The following RPS6KC1 variants were observed in gnomAD, a reference collection of about 807,000 sequenced individuals.
The protein encoded by RPS6KC1 is inactive ribosomal protein S6 kinase delta-1.
Under a neutral mutation model 103.8 loss-of-function variants are expected in RPS6KC1, and 54 were observed. The observed-to-expected ratio is 0.52, with a 90% CI of 0.42 to 0.65. The LOEUF is 0.65. Ranked by LOEUF, RPS6KC1 falls within the 30% of genes least tolerant of loss-of-function variation. RPS6KC1 has a pLI of 0.00. For synonymous variants in RPS6KC1, 439 were observed against 438.7 expected (o/e 1.00, Z -0.01); for missense variants, 1,151 against 1,253.8 (o/e 0.92, Z 1.24).
chr1:213,626,465 C>T, the RPS6KC1 span, among the ~76,000 whole-genome samples: 2 of 152,124 alleles, frequency 1.3e-5, no homozygotes, highest in African/African-American at 2.4e-5. Flanking sequence ...CTTTTGTTGT[C>T]ATTGCTTTTG....
the RPS6KC1 span, among the ~76,000 whole-genome samples, chr1:213,580,924 A>G: frequency 1.3e-5 from 2 of 151,990 alleles, no homozygotes; most frequent in Admixed American, 1.3e-4. Context: ...CTTTGTTGCA[A>G]TTTGCTTTAT....
At chr1:213,586,154 A>G in the RPS6KC1 span, among the ~76,000 whole-genome samples, 1 of 152,148 alleles carries the variant, frequency 6.6e-6, no homozygotes, top group Non-Finnish European at 1.5e-5. Context: ...GTCTGCCAAC[A>G]CTCAACATTG....
At chr1:213,149,403 A>G (rs1164162693) in intron 6 of RPS6KC1, among the ~76,000 whole-genome samples, 3 of 152,020 alleles carry the variant, frequency 2.0e-5, no homozygotes, top group Non-Finnish European at 4.4e-5. Context: ...TCATTTACTC[A>G]CTGGTCATTC....
the RPS6KC1 span, among the ~76,000 whole-genome samples, chr1:213,606,369 G>A: frequency 1.1e-4 from 17 of 152,256 alleles, no homozygotes; most frequent in South Asian, 3.1e-3. Context: ...CCAACTGTTC[G>A]GTGCCCACAT....
At chr1:213,693,839 G>A in the RPS6KC1 span, among the ~76,000 whole-genome samples, 1 of 152,176 alleles carries the variant, frequency 6.6e-6, no homozygotes, top group African/African-American at 2.4e-5. Context: ...TTAAAAACTA[G>A]GTTAGCTTTC....
At chr1:213,558,173 G>A in the RPS6KC1 span, among the ~76,000 whole-genome samples, 1 of 152,288 alleles carries the variant, frequency 6.6e-6, no homozygotes, top group South Asian at 2.1e-4. Flanking sequence ...CTACGTAAGG[G>A]GCTTGCAGTG....
chr1:213,354,640 G>A, the RPS6KC1 span, among the ~76,000 whole-genome samples: 14 of 152,214 alleles, frequency 9.2e-5, no homozygotes, highest in African/African-American at 3.1e-4. Context: ...ACTCTGCAGA[G>A]TCTTAAGGCA....
At chr1:213,763,296 C>T in the RPS6KC1 span, among the ~76,000 whole-genome samples, 1 of 152,320 alleles carries the variant, frequency 6.6e-6, no homozygotes, top group Middle Eastern at 3.4e-3. Flanking sequence ...CTTTCACTTC[C>T]TTCCCCTCTT....
intron 6 of RPS6KC1, among the ~76,000 whole-genome samples, chr1:213,133,775 A>G (rs1279620479): frequency 6.6e-6 from 1 of 152,168 alleles, no homozygotes; most frequent in African/African-American, 2.4e-5. Context: ...TTGCTCAAGG[A>G]CACAAACTAG....
chr1:213,637,131 T>C, the RPS6KC1 span, among the ~76,000 whole-genome samples: 1 of 152,106 alleles, frequency 6.6e-6, no homozygotes, highest in Non-Finnish European at 1.5e-5. Flanking sequence ...CTGGAGGATG[T>C]GGAGAAATAG....
chr1:213,747,102 C>A, the RPS6KC1 span, among the ~76,000 whole-genome samples: 2 of 152,072 alleles, frequency 1.3e-5, no homozygotes, highest in African/African-American at 4.8e-5. Flanking sequence ...ACCCTGGGCA[C>A]TCCTGGGAGC....
At chr1:213,181,799 A>G (rs1342958863) in intron 8 of RPS6KC1, among the ~76,000 whole-genome samples, 1 of 152,224 alleles carries the variant, frequency 6.6e-6, no homozygotes, top group Non-Finnish European at 1.5e-5. Flanking sequence ...TGCAAAGAGA[A>G]TTTGTTGCTG....
chr1:213,715,767 G>A, the RPS6KC1 span, among the ~76,000 whole-genome samples: 12 of 152,102 alleles, frequency 7.9e-5, no homozygotes, highest in African/African-American at 2.9e-4. Context: ...TTGTAAGAGG[G>A]AAAAATATAA....
chr1:213,629,775 C>A, the RPS6KC1 span, among the ~76,000 whole-genome samples: 1 of 152,036 alleles, frequency 6.6e-6, no homozygotes, highest in African/African-American at 2.4e-5. Flanking sequence ...TTAGGGCAGG[C>A]CTGGTGGTGA....
At chr1:213,548,819 G>A in the RPS6KC1 span, among the ~76,000 whole-genome samples, 1 of 152,132 alleles carries the variant, frequency 6.6e-6, no homozygotes, top group East Asian at 1.9e-4. Flanking sequence ...TATAATTCTT[G>A]GAACTGTACA....
chr1:213,859,488 T>C, the RPS6KC1 span, among the ~76,000 whole-genome samples: 2 of 152,226 alleles, frequency 1.3e-5, no homozygotes, highest in African/African-American at 2.4e-5. Flanking sequence ...TTATGGGTCA[T>C]GTGGTTTCTA....
rs1057010395 is a variant in RPS6KC1, at chr1:213,184,040, G to A, written c.1044+7548G>A. On this transcript the variant is annotated intron_variant, in intron 8 of 14. Coordinates refer to ENST00000366960, the MANE Select transcript of RPS6KC1 (RefSeq NM_012424.6). ...AATGGACCAATTCATAGAAAAGTAC[G>A]AATTACCACCCAAAATAAATAGATA... Among the ~76,000 whole-genome samples, 13 of 152,062 alleles carry A rather than the reference G, an allele frequency of 8.5e-5. No homozygotes were observed. The East Asian group carries it at 1.3e-3, about 16-fold the overall frequency.
chr1:213,269,631 AGAG>A (rs1402836724), intron 14 of RPS6KC1, among the ~76,000 whole-genome samples: 6 of 152,224 alleles, frequency 3.9e-5, no homozygotes, highest in South Asian at 2.1e-4. Flanking sequence ...GAAATCAACA[AGAG>A]GAGGAGATCT....
the RPS6KC1 span, among the ~76,000 whole-genome samples, chr1:213,349,263 A>G: frequency 6.6e-6 from 1 of 152,202 alleles, no homozygotes; most frequent in East Asian, 1.9e-4. Context: ...CAAAAATATT[A>G]TTGACATTTC....
Sources: gnomAD v4.1 joint callset for allele counts (sites outside exome capture counted in the v4.1 genomes callset) on GRCh38, gnomAD v4.1.1 for gene constraint, MANE v1.5 for transcripts, NCBI Gene and HGNC (gene_info 2026-07-23, HGNC 2026-07-21) for gene names.